The following MRPS7 variants were observed in gnomAD, a reference collection of about 807,000 sequenced individuals.
MRPS7 encodes small ribosomal subunit protein uS7m.
A neutral mutation model predicts 26.2 loss-of-function variants in MRPS7; 13 were observed. The observed-to-expected ratio is 0.50, with a 90% CI of 0.32 to 0.79. MRPS7 has a LOEUF of 0.79. Ranked by LOEUF, MRPS7 falls within the 30% of genes least tolerant of loss-of-function variation. MRPS7 has a pLI of 0.03. For synonymous variants in MRPS7, 129 were observed against 113.3 expected, an observed-to-expected ratio of 1.14 and a Z score of -0.88; for missense variants, 318 against 312.2, an observed-to-expected ratio of 1.02 and a Z score of -0.14.
intron 1 of MRPS7, 65 bp from the exon 2 acceptor site, chr17:75,262,432 T>C: frequency 6.4e-7 from 1 of 1,551,814 alleles, no homozygotes; most frequent in East Asian, 2.3e-5. Flanking sequence ...ATGCCTATTG[T>C]TAAGTCAAAC....
At chr17:75,264,499 C>T (rs1489776176) in intron 4 of MRPS7, 1 of 152,110 alleles carries the variant, frequency 6.6e-6, no homozygotes, top group African/African-American at 2.4e-5. Context: ...CCTGAGTTTT[C>T]TTGTGTTCTC....
intron 1 of MRPS7, 36 bp from the exon 2 acceptor site, chr17:75,262,461 A>C: frequency 6.2e-7 from 1 of 1,604,658 alleles, no homozygotes; most frequent in Non-Finnish European, 8.5e-7. Flanking sequence ...TTGTGGAGTC[A>C]GCTTTTGCCT....
intron 3 of MRPS7, 84 bp from the exon 4 acceptor site, chr17:75,263,256 G>A (rs1418694386): frequency 1.3e-5 from 20 of 1,527,248 alleles, no homozygotes; most frequent in Non-Finnish European, 1.6e-5. Flanking sequence ...ACCAGAGGAT[G>A]GGAGTAAAGG....
Position 75,265,962 on chromosome 17 carries a change from A to C in MRPS7, c.*39A>C. The C allele has an allele frequency of 6.3e-7, 1 of 1,592,866 alleles. No individual in the cohort carries two copies. Among genetic ancestry groups the C allele is most frequent in the Non-Finnish European group, 8.6e-7 (1 of 1,164,200 alleles). Reference sequence around the variant, plus strand: ...AGCCCAGGGCCCTCTGCCGCAAGAAACAGTGTGAGCTACTGCCACGCTGAA... The same window carrying C: ...AGCCCAGGGCCCTCTGCCGCAAGAACCAGTGTGAGCTACTGCCACGCTGAA... On this transcript the variant is annotated 3_prime_UTR_variant, in exon 5 of 5. Coordinates refer to ENST00000245539, the MANE Select transcript of MRPS7 (RefSeq NM_015971.4).
chr17:75,265,671 G>A (rs528646262), intron 4 of MRPS7, 31 bp from the exon 5 acceptor site: 1 of 1,596,364 alleles, frequency 6.3e-7, no homozygotes, highest in African/African-American at 1.3e-5. Context: ...CAGACTCTTG[G>A]ACCAACTTGC....
At chr17:75,262,249 G>A in intron 1 of MRPS7, 2 of 636,212 alleles carry the variant, frequency 3.1e-6, no homozygotes, top group Middle Eastern at 3.0e-4. Context: ...CTGTGAATTG[G>A]GATGGGTGTG....
At chr17:75,263,258 G>A (rs1449979458) in intron 3 of MRPS7, 82 bp from the exon 4 acceptor site, 7 of 1,542,222 alleles carry the variant, frequency 4.5e-6, no homozygotes. Flanking sequence ...CAGAGGATGG[G>A]AGTAAAGGGC....
At chr17:75,262,229 C>T (rs1391793303) in intron 1 of MRPS7, 4 of 636,810 alleles carry the variant, frequency 6.3e-6, no homozygotes, top group Non-Finnish European at 8.1e-6. Context: ...GAGCTCAGAT[C>T]TGGGATCGCC....
At chr17:75,263,617 T>TCCCAC in intron 4 of MRPS7, 110 bp downstream of exon 4, 5 of 1,372,304 alleles carry the variant, frequency 3.6e-6, no homozygotes, top group Non-Finnish European at 4.0e-6. Context: ...TGCAGTGGGA[T>TCCCAC]TGCACCTGTA....
Position 75,262,480 on chromosome 17 carries a change from C to G in MRPS7, c.84-17C>G, listed in dbSNP as rs770499792. 1 of 1,611,548 alleles carries G rather than the reference C, an allele frequency of 6.2e-7. No homozygotes were observed. Among genetic ancestry groups the G allele is most frequent in the South Asian group, 1.1e-5 (1 of 91,024 alleles). ...GGAGTCAGCTTTTGCCTGCCTCCTCCTTTCCCCCCCTCCCAGGCTAACTCA... is the reference window on the plus strand; with the variant it reads ...GGAGTCAGCTTTTGCCTGCCTCCTCGTTTCCCCCCCTCCCAGGCTAACTCA... On this transcript the variant is annotated splice_polypyrimidine_tract_variant and intron_variant, in intron 1 of 4. Transcript: ENST00000245539.
In MRPS7 at chr17:75,266,224, GC is replaced by G; in HGVS notation, c.*302del. Reference sequence around the variant, plus strand: ...GCGGACCTTTGGATATATAAAGGAAGCAGTTTTAGTATCAGAAAAGATTTAT... The same window carrying G: ...GCGGACCTTTGGATATATAAAGGAAGAGTTTTAGTATCAGAAAAGATTTAT... On this transcript the variant is annotated 3_prime_UTR_variant, in exon 5 of 5. Transcript: ENST00000245539. 2.3e-6 allele frequency: 1 copy of G among 443,124 alleles called. No individual in the cohort carries two copies. Among genetic ancestry groups the G allele is most frequent in the Non-Finnish European group, 4.1e-6 (1 of 243,808 alleles). The allele number at this position is 443,124 out of a possible 1,614,324, so 27.4% of individuals were successfully genotyped here.
chr17:75,263,773 C>A, intron 4 of MRPS7: 1 of 374,880 alleles, frequency 2.7e-6, no homozygotes. Flanking sequence ...CCCAACTACT[C>A]AGGAGGCTGA....
At chr17:75,265,618 C>G in intron 4 of MRPS7, 84 bp from the exon 5 acceptor site, 1 of 1,209,804 alleles carries the variant, frequency 8.3e-7, no homozygotes, top group South Asian at 1.3e-5. Context: ...GAACATGTGG[C>G]TACTCCTTAG....
intron 1 of MRPS7, 66 bp downstream of exon 1, chr17:75,262,049 C>A (rs752189720): frequency 2.2e-4 from 342 of 1,565,306 alleles, no homozygotes; most frequent in Non-Finnish European, 2.8e-4. Context: ...AGGCAGGCCG[C>A]GTGGGCCCCT....
Position 75,265,942 on chromosome 17 carries a change from A to G in MRPS7, c.*19A>G, listed in dbSNP as rs775485351. ...GTGGTAGAGTCTCCAGGAGGAGCCC[A>G]GGGCCCTCTGCCGCAAGAAACAGTG... On this transcript the variant is annotated 3_prime_UTR_variant, in exon 5 of 5. Coordinates refer to ENST00000245539, the MANE Select transcript of MRPS7 (RefSeq NM_015971.4). The G allele has an allele frequency of 2.4e-5, 39 of 1,609,310 alleles. No homozygotes were observed. Among genetic ancestry groups the G allele is most frequent in the Middle Eastern group, 1.7e-4 (1 of 5,902 alleles).
rs371395208 is a variant in MRPS7 at position 75,261,892 on chromosome 17, C to G, written c.-9C>G. 26 of 1,607,464 alleles carry G rather than the reference C, an allele frequency of 1.6e-5. No homozygotes were observed. Among genetic ancestry groups the G allele is most frequent in the African/African-American group, 5.3e-5 (4 of 74,902 alleles). On this transcript the variant is annotated 5_prime_UTR_variant, in exon 1 of 5. Coordinates refer to ENST00000245539, the MANE Select transcript of MRPS7 (RefSeq NM_015971.4). ...GGCAGTCCTTGTGGGGTCCTCGTGG[C>G]CAGCCAAGATGGCTGCCCCCGCAGT...
At chr17:75,265,653 A>T (rs1383187360) in intron 4 of MRPS7, 49 bp from the exon 5 acceptor site, 5 of 1,549,080 alleles carry the variant, frequency 3.2e-6, no homozygotes, top group Non-Finnish European at 4.5e-6. Flanking sequence ...GGAGGCCCCA[A>T]ACCCTGGCAG....
intron 1 of MRPS7, 29 bp downstream of exon 1, chr17:75,262,012 G>A (rs113104724): frequency 6.3e-7 from 1 of 1,599,656 alleles, no homozygotes; most frequent in Non-Finnish European, 8.5e-7. Context: ...GCGGCGGGGG[G>A]GCGCTGCGAG....
At chr17:75,264,985 T>C (rs2077462508) in intron 4 of MRPS7, among the ~76,000 whole-genome samples, 1 of 152,226 alleles carries the variant, frequency 6.6e-6, no homozygotes, top group South Asian at 2.1e-4. Context: ...TTGGTTCTTA[T>C]AACAACTTGG....
Sources: allele counts gnomAD v4.1 joint callset (sites outside exome capture counted in the v4.1 genomes callset), GRCh38; gene constraint gnomAD v4.1.1; transcripts MANE v1.5; gene names NCBI Gene and HGNC (gene_info 2026-07-23, HGNC 2026-07-21).